CYRIB: variants seen among roughly 807,000 people sequenced by gnomAD.
CYRIB encodes the protein CYFIP-related Rac1 interactor B.
A neutral mutation model predicts 44.2 loss-of-function variants in CYRIB; 8 were observed. That is an observed-to-expected ratio of 0.18 (90% confidence interval 0.11 to 0.33). The LOEUF (loss-of-function observed/expected upper bound fraction) is 0.33, where lower values mean the gene tolerates loss of function less well. Ranked by LOEUF, CYRIB falls within the 10% of genes least tolerant of loss-of-function variation. CYRIB has a pLI of 1.00. For missense variants in CYRIB, 185 were observed against 382.8 expected (o/e 0.48, Z 4.31); for synonymous variants, 131 against 127.2 (o/e 1.03, Z -0.20).
At chr8:129,941,039 C>A (rs1213962487), upstream of CYRIB, among the ~76,000 whole-genome samples, 2 of 152,088 alleles carry the variant, frequency 1.3e-5, no homozygotes, top group Non-Finnish European at 2.9e-5. Flanking sequence ...CTTACCTTAG[C>A]CTTTTTGTCT....
At chr8:129,916,705 T>C (rs551703044) in intron 1 of CYRIB, among the ~76,000 whole-genome samples, 9 of 152,354 alleles carry the variant, frequency 5.9e-5, no homozygotes, top group Admixed American at 5.2e-4. Flanking sequence ...CCTATAATTC[T>C]AAAGCATTTT....
intron 2 of CYRIB, among the ~76,000 whole-genome samples, chr8:129,884,734 G>A (rs1017070762): frequency 3.9e-5 from 6 of 152,132 alleles, no homozygotes; most frequent in Non-Finnish European, 8.8e-5. Flanking sequence ...ATTTTCTATC[G>A]TAATCCTTGG....
chr8:129,972,524 C>G (rs2095744382), intron 1 of CYRIB, among the ~76,000 whole-genome samples: 1 of 152,092 alleles, frequency 6.6e-6, no homozygotes, highest in African/African-American at 2.4e-5. Flanking sequence ...CTGCAGTGAC[C>G]CATGATGTGC....
At chr8:129,948,274 C>G (rs542171147) in intron 2 of CYRIB, among the ~76,000 whole-genome samples, 2 of 152,310 alleles carry the variant, frequency 1.3e-5, no homozygotes, top group East Asian at 1.9e-4. Context: ...ATTTTCTGCA[C>G]GCCTTCACTT....
chr8:129,864,918 A>G (rs2052560477), intron 4 of CYRIB: 2 of 337,704 alleles, frequency 5.9e-6, no homozygotes, highest in African/African-American at 4.4e-5. Context: ...ATACCAGTCT[A>G]TAAGCACAGG....
chr8:129,862,376 A>G, intron 4 of CYRIB, 42 bp from the exon 7 acceptor site: 1 of 1,460,566 alleles, frequency 6.8e-7, no homozygotes, highest in Non-Finnish European at 9.4e-7. Context: ...GTTAAAAAAA[A>G]AAAAAGGTTC....
intron 2 of CYRIB, among the ~76,000 whole-genome samples, chr8:129,960,003 C>G (rs1180594223): frequency 6.6e-6 from 1 of 152,182 alleles, no homozygotes; most frequent in African/African-American, 2.4e-5. Flanking sequence ...AGACGGAGCC[C>G]TGACCTATCC....
At position 129,855,422 on chromosome 8, in the gene CYRIB, C is replaced by T. The variant is rs569039233; in HGVS notation, c.438+189G>A. On this transcript the variant is annotated intron_variant, in intron 6 of 11. Transcript: ENST00000519824. Reference sequence around the variant, plus strand: ...AAAAAAAAAAGATTGAGACCGAATACTCAGTAATTTGCTCTTTGCCATGTA... The same window carrying T: ...AAAAAAAAAAGATTGAGACCGAATATTCAGTAATTTGCTCTTTGCCATGTA... Among the ~76,000 whole-genome samples, 242 of 151,716 alleles carry T rather than the reference C, an allele frequency of 1.6e-3. 2 individuals are homozygous for T. The highest frequency in any genetic ancestry group is 5.6e-3 in the African/African-American group (231 of 41,334).
At chr8:129,999,029 G>A (rs1308772849) in intron 1 of CYRIB, among the ~76,000 whole-genome samples, 2 of 152,008 alleles carry the variant, frequency 1.3e-5, no homozygotes, top group African/African-American at 4.8e-5. Context: ...TTGGCAAAAC[G>A]CTTTCTTCCC....
intron 1 of CYRIB, among the ~76,000 whole-genome samples, chr8:130,002,859 A>G (rs1280884306): frequency 2.0e-5 from 3 of 152,226 alleles, no homozygotes; most frequent in Non-Finnish European, 4.4e-5. Flanking sequence ...ACACTTTGGG[A>G]AGCCAAGCGA....
intron 2 of CYRIB, among the ~76,000 whole-genome samples, chr8:129,969,525 A>G (rs574935194): frequency 9.2e-5 from 14 of 152,334 alleles, no homozygotes; most frequent in African/African-American, 3.4e-4. Context: ...GTATCTACTC[A>G]AGGGTTAGCT....
intron 1 of CYRIB, among the ~76,000 whole-genome samples, chr8:129,992,875 A>G (rs1169305023): frequency 2.0e-5 from 3 of 152,218 alleles, no homozygotes; most frequent in Non-Finnish European, 4.4e-5. Flanking sequence ...AGCTGCTGTG[A>G]CTAAGCGCAA....
At chr8:129,981,722 G>A (rs1470427658) in intron 1 of CYRIB, among the ~76,000 whole-genome samples, 1 of 152,190 alleles carries the variant, frequency 6.6e-6, no homozygotes, top group Admixed American at 6.5e-5. Flanking sequence ...CTGGGGCCTG[G>A]GAGTGGGATC....
chr8:129,926,155 T>G (rs2087594245), intron 1 of CYRIB, among the ~76,000 whole-genome samples: 1 of 152,222 alleles, frequency 6.6e-6, no homozygotes, highest in South Asian at 2.1e-4. Flanking sequence ...TTATTTCGTA[T>G]TCTGTATTTT....
intron 2 of CYRIB, among the ~76,000 whole-genome samples, chr8:129,946,426 A>G (rs2094146335): frequency 6.6e-6 from 1 of 152,204 alleles, no homozygotes; most frequent in African/African-American, 2.4e-5. Flanking sequence ...ACAGCTCCAA[A>G]CATTTCCACC....
intron 1 of CYRIB, among the ~76,000 whole-genome samples, chr8:129,973,352 G>A (rs1246244412): frequency 6.6e-6 from 1 of 152,258 alleles, no homozygotes; most frequent in African/African-American, 2.4e-5. Flanking sequence ...AGGCTGGCAA[G>A]TTAGACTGCT....
intron 2 of CYRIB, among the ~76,000 whole-genome samples, chr8:129,950,063 T>C (rs151180735): frequency 2.0e-3 from 300 of 152,330 alleles, no homozygotes; most frequent in African/African-American, 7.1e-3. Context: ...AAAACTTAAA[T>C]GTTTGGTAAA....
intron 1 of CYRIB, among the ~76,000 whole-genome samples, chr8:130,010,261 A>G (rs2134395736): frequency 6.6e-6 from 1 of 152,350 alleles, no homozygotes; most frequent in African/African-American, 2.4e-5. Context: ...ATTTTGAACT[A>G]GAGAAAGTCC....
chr8:130,000,585 C>A (rs760860457), intron 1 of CYRIB, among the ~76,000 whole-genome samples: 3 of 152,064 alleles, frequency 2.0e-5, no homozygotes, highest in African/African-American at 2.4e-5. Flanking sequence ...CCCAGCTACT[C>A]AGAGGCTGAG....
Sources: gnomAD v4.1 joint callset for allele counts (sites outside exome capture counted in the v4.1 genomes callset) on GRCh38, gnomAD v4.1.1 for gene constraint, MANE v1.5 for transcripts, NCBI Gene and HGNC (gene_info 2026-07-23, HGNC 2026-07-21) for gene names.